The following ATG7 variants were observed in gnomAD, a reference collection of about 807,000 sequenced individuals.
ATG7 encodes autophagy related 7, also known as ubiquitin-like modifier-activating enzyme ATG7.
A neutral mutation model predicts 82.4 loss-of-function variants in ATG7; 70 were observed. That is an observed-to-expected ratio of 0.85 (90% CI 0.70 to 1.04). The LOEUF (loss-of-function observed/expected upper bound fraction) is 1.04. Among genes scored for constraint, ATG7 ranks in the 50% least tolerant of loss-of-function variants. ATG7 has a pLI of 0.00. For missense variants in ATG7, 792 were observed against 864.3 expected, an observed-to-expected ratio of 0.92 and a Z score of 1.05; for synonymous variants, 287 against 313.0, an observed-to-expected ratio of 0.92 and a Z score of 0.88.
At chr3:11,538,520 A>AAG (rs111546917) in intron 20 of ATG7, among the ~76,000 whole-genome samples, 1 of 151,686 alleles carries the variant, frequency 6.6e-6, no homozygotes, top group African/African-American at 2.4e-5. Context: ...GTAGAGAGGA[A>AAG]AGAGACTCAT....
At chr3:11,462,455 A>C (rs2086402144) in intron 20 of ATG7, among the ~76,000 whole-genome samples, 1 of 152,116 alleles carries the variant, frequency 6.6e-6, no homozygotes, top group Admixed American at 6.5e-5. Context: ...GAAAGCATTA[A>C]GGTAAAGCCA....
At chr3:11,568,535 AC>A in the ATG7 span, 346 of 1,545,436 alleles carry the variant, frequency 2.2e-4, no homozygotes, top group African/African-American at 4.4e-3. This position sits in a 1 kb window ranked among gnomAD's most constrained non-coding sequence, Gnocchi z 5.9. Flanking sequence ...TCAGACAAAG[AC>A]ACTGAAAACA....
downstream of ATG7, chr3:11,558,640 A>AG (rs1256849063): frequency 6.2e-7 from 1 of 1,611,072 alleles, no homozygotes; most frequent in Non-Finnish European, 8.5e-7. Flanking sequence ...AGGCGGACTC[A>AG]GGGCTGCTGG....
rs187392153 is a variant in ATG7 at position 11,488,579 on chromosome 3, C to T, written c.2079+61653C>T. ...AACCACCACCCGCGGCCACCATGGC[C>T]GGACGGGCTCCCTAAGCCACCGACC... On this transcript the variant is annotated intron_variant, in intron 20 of 20. Transcript: ENST00000693202. 3.1e-3 allele frequency: 2,178 copies of T among 709,648 alleles called. 68 individuals carry two copies. The East Asian group carries it at 0.079, about 26-fold the overall frequency. The allele number at this position is 709,648 out of a possible 1,614,324, so 44.0% of individuals were successfully genotyped here.
intron 20 of ATG7, among the ~76,000 whole-genome samples, chr3:11,498,210 G>A (rs1214922952): frequency 1.3e-5 from 2 of 152,158 alleles, no homozygotes; most frequent in African/African-American, 4.8e-5. Flanking sequence ...AATTGAGGCT[G>A]TAGTCTCCAA....
chr3:11,490,630 T>C (rs2090248858), intron 20 of ATG7, among the ~76,000 whole-genome samples: 1 of 152,216 alleles, frequency 6.6e-6, no homozygotes, highest in Non-Finnish European at 1.5e-5. Flanking sequence ...TTTCCATGTT[T>C]AGTGGTTCCT....
chr3:11,348,222 T>C (rs1954871667), intron 14 of ATG7, 187 bp downstream of exon 14: 1 of 743,496 alleles, frequency 1.3e-6, no homozygotes, highest in East Asian at 2.9e-5. Context: ...AGGTCAGGCA[T>C]GGTGGCTCAT....
chr3:11,335,243 C>CATGCT, intron 11 of ATG7, among the ~76,000 whole-genome samples: 1 of 152,120 alleles, frequency 6.6e-6, no homozygotes, highest in East Asian at 1.9e-4. Flanking sequence ...TGTTAACTTA[C>CATGCT]ATGCTATACC....
At chr3:11,309,689 C>T (rs1240255675) in intron 7 of ATG7, among the ~76,000 whole-genome samples, 1 of 152,086 alleles carries the variant, frequency 6.6e-6, no homozygotes, top group Non-Finnish European at 1.5e-5. Context: ...TGTGCGTACA[C>T]ACACACACAG....
intron 20 of ATG7, among the ~76,000 whole-genome samples, chr3:11,515,888 G>A (rs539111864): frequency 6.6e-6 from 1 of 152,228 alleles, no homozygotes; most frequent in Admixed American, 6.5e-5. Context: ...GGGGCTTGAA[G>A]CCAGCATGAG....
At chr3:11,518,152 A>G (rs1381322987) in intron 20 of ATG7, among the ~76,000 whole-genome samples, 5 of 152,164 alleles carry the variant, frequency 3.3e-5, no homozygotes, top group African/African-American at 9.7e-5. Flanking sequence ...GAGAAAGACT[A>G]GTTGTAGAGA....
the ATG7 span, among the ~76,000 whole-genome samples, chr3:11,570,746 T>C: frequency 3.3e-5 from 5 of 152,196 alleles, no homozygotes; most frequent in African/African-American, 1.2e-4. Flanking sequence ...TGGTGAGATG[T>C]CTTCTCCCTT....
chr3:11,347,730 C>T, intron 13 of ATG7, 147 bp from the exon 14 acceptor site: 5 of 803,878 alleles, frequency 6.2e-6, no homozygotes, highest in Non-Finnish European at 7.2e-6. Flanking sequence ...TTATCGTAAC[C>T]TGAATTTGCA....
At chr3:11,491,140 G>A (rs1319661997) in intron 20 of ATG7, among the ~76,000 whole-genome samples, 1 of 152,118 alleles carries the variant, frequency 6.6e-6, no homozygotes, top group Non-Finnish European at 1.5e-5. Flanking sequence ...TTTTCACATA[G>A]TCCCATATTT....
In ATG7 at chr3:11,326,288, T is replaced by G. The variant is rs937797548; in HGVS notation, c.679-5052T>G. ...CACTTGATAGAGTTGTAAATGCTGT[T>G]TTTTTTTTGTTGTTGTTGTTTTGTT... On this transcript the variant is annotated intron_variant, in intron 9 of 20. Coordinates refer to ENST00000693202, the MANE Select transcript of ATG7 (RefSeq NM_001349232.2). Among the ~76,000 whole-genome samples the G allele has an allele frequency of 9.4e-5, 14 of 149,614 alleles. No individual in the cohort carries two copies. In the South Asian group the frequency reaches 2.3e-3, roughly 25 times the overall value.
At chr3:11,568,921 C>A in the ATG7 span, 1 of 1,262,066 alleles carries the variant, frequency 7.9e-7, no homozygotes, top group Non-Finnish European at 1.0e-6. This position sits in a 1 kb window ranked among gnomAD's most constrained non-coding sequence, Gnocchi z 5.9. Context: ...CCTAGGCGGG[C>A]ACTTCCACTG....
chr3:11,570,483 G>T, the ATG7 span, among the ~76,000 whole-genome samples: 1 of 152,160 alleles, frequency 6.6e-6, no homozygotes, highest in Admixed American at 6.5e-5. Flanking sequence ...TGCACTCCCG[G>T]GAAGGCTGAC....
intron 11 of ATG7, among the ~76,000 whole-genome samples, chr3:11,337,250 T>C (rs1300058016): frequency 2.0e-5 from 3 of 152,052 alleles, no homozygotes; most frequent in Admixed American, 1.3e-4. Flanking sequence ...GTCAGGAGAT[T>C]GAGACCATCC....
chr3:11,567,718 G>C, the ATG7 span, among the ~76,000 whole-genome samples: 1 of 152,226 alleles, frequency 6.6e-6, no homozygotes, highest in African/African-American at 2.4e-5. Context: ...AAGCAGTCCT[G>C]AGATCTGCTG....
Sources: gnomAD v4.1 joint callset for allele counts (sites outside exome capture counted in the v4.1 genomes callset) on GRCh38, gnomAD v4.1.1 for gene constraint, Gnocchi (gnomAD v3.1) non-coding constraint, MANE v1.5 for transcripts, NCBI Gene and HGNC (gene_info 2026-07-23, HGNC 2026-07-21) for gene names.